TRPM2: variants seen among roughly 807,000 people sequenced by gnomAD.
TRPM2 encodes transient receptor potential cation channel subfamily M member 2.
Under a neutral mutation model 174.0 loss-of-function variants are expected in TRPM2, and 161 were observed. That is an observed-to-expected ratio of 0.93 (90% CI 0.81 to 1.05). TRPM2 has a LOEUF of 1.05. TRPM2 is among the 50% of genes least tolerant of loss of function. The probability of loss-of-function intolerance (pLI) is 0.00; values close to 1 mark genes in which losing one functional copy is unlikely to be tolerated. For missense variants in TRPM2, 2,057 were observed against 2,038.0 expected, an observed-to-expected ratio of 1.01 and a Z score of -0.18; for synonymous variants, 954 against 861.3, an observed-to-expected ratio of 1.11 and a Z score of -1.88.
At chr21:44,387,726 G>A (rs1389253126) in intron 9 of TRPM2, among the ~76,000 whole-genome samples, 1 of 151,900 alleles carries the variant, frequency 6.6e-6, no homozygotes, top group African/African-American at 2.4e-5. Flanking sequence ...ATTCAAAAAT[G>A]GGCAAAGGAC....
intron 19 of TRPM2, among the ~76,000 whole-genome samples, chr21:44,409,590 CTTGG>C (rs1289822589): frequency 1.4e-5 from 2 of 146,754 alleles, no homozygotes; most frequent in Non-Finnish European, 3.0e-5. Context: ...ACCGCACTGT[CTTGG>C]TTGGCGTAGC....
chr21:44,417,346 G>A (rs560486155), intron 20 of TRPM2, among the ~76,000 whole-genome samples: 2 of 105,462 alleles, frequency 1.9e-5, no homozygotes, highest in African/African-American at 7.3e-5. Context: ...CAGTGGGCAC[G>A]TGGGCGTGGC....
rs930725434 is a variant in TRPM2 at position 44,400,032 on chromosome 21, G to T, written c.2209-227G>T. Among the ~76,000 whole-genome samples the T allele has an allele frequency of 2.6e-5, 4 of 152,206 alleles. 1 individual carries two copies. The highest frequency in any genetic ancestry group is 9.7e-5 in the African/African-American group (4 of 41,446). On this transcript the variant is annotated intron_variant, in intron 14 of 31. Coordinates refer to ENST00000397928, the MANE Select transcript of TRPM2 (RefSeq NM_003307.4). ...AGTGCTCTACAGCCTGCAACTGCGG[G>T]GCCTTCGAAGCCAGCAGAGATGGGG...
chr21:44,406,881 C>A (rs1228366224), intron 19 of TRPM2, 116 bp downstream of exon 19: 2 of 1,344,882 alleles, frequency 1.5e-6, no homozygotes, highest in Non-Finnish European at 2.0e-6. Flanking sequence ...CCTGCGGTTC[C>A]CACCTGGCCG....
At chr21:44,379,254 C>G (rs2048803670) in intron 8 of TRPM2, 57 bp downstream of exon 8, 2 of 1,579,886 alleles carry the variant, frequency 1.3e-6, no homozygotes, top group Non-Finnish European at 1.7e-6. Context: ...GAGACACTGT[C>G]AGCCTGGTGG....
intron 24 of TRPM2, 27 bp downstream of exon 24, chr21:44,424,966 G>A (rs758618566): frequency 6.4e-7 from 1 of 1,574,222 alleles, no homozygotes; most frequent in Non-Finnish European, 8.6e-7. Context: ...GCCAGCAGCT[G>A]GTCTCCAGCC....
intron 2 of TRPM2, among the ~76,000 whole-genome samples, chr21:44,358,310 T>G (rs2048114588): frequency 7.2e-6 from 1 of 139,220 alleles, no homozygotes; most frequent in African/African-American, 2.9e-5. Flanking sequence ...TCCTCATCTG[T>G]GAGCGCAGAG....
intron 16 of TRPM2, among the ~76,000 whole-genome samples, chr21:44,403,033 G>A (rs185992985): frequency 2.1e-3 from 315 of 152,256 alleles, no homozygotes; most frequent in Non-Finnish European, 4.0e-3. Context: ...GACTTGGCGG[G>A]GCCTGGGAGC....
chr21:44,437,185 G>A lies in TRPM2; in HGVS notation c.4167+18G>A, dbSNP rs777082628. 10 of 1,547,136 alleles carry A rather than the reference G, an allele frequency of 6.5e-6. No homozygotes were observed. Among genetic ancestry groups the A allele is most frequent in the Middle Eastern group, 1.7e-4 (1 of 5,842 alleles). ...TGCCTGGGGTAAGGCTGCCGCGTGT[G>A]GGACCTCTGTCCACTGGGCTGTCTG... is the stretch of plus-strand genomic sequence containing the variant. On this transcript the variant is annotated intron_variant, in intron 29 of 31. Transcript: ENST00000397928.
rs1294818065 is a variant in TRPM2, at chr21:44,406,586, T to TCCTGCAGATG, written c.2791-7_2793dup. ...GAGAGTGTAGCCCACACACTCTCTGTCCTGCAGATGAAGGACGTCTTCTTC... is the reference window on the plus strand; with the variant it reads ...GAGAGTGTAGCCCACACACTCTCTGTCCTGCAGATGCCTGCAGATGAAGGACGTCTTCTTC... On this transcript the variant is annotated splice_region_variant and splice_polypyrimidine_tract_variant and intron_variant, in intron 18 of 31. Transcript: ENST00000397928. The TCCTGCAGATG allele has an allele frequency of 6.2e-7, 1 of 1,606,504 alleles. No individual in the cohort carries two copies. The highest frequency in any genetic ancestry group is 8.5e-7 in the Non-Finnish European group (1 of 1,178,900).
upstream of TRPM2, chr21:44,353,512 A>C: frequency 2.7e-6 from 2 of 748,720 alleles, no homozygotes; most frequent in Non-Finnish European, 3.9e-6. Context: ...GCTGATGAAG[A>C]GAACCGGATG....
At chr21:44,398,206 G>GTTT (rs34051764) in intron 13 of TRPM2, among the ~76,000 whole-genome samples, 23 of 144,768 alleles carry the variant, frequency 1.6e-4, no homozygotes, top group South Asian at 4.3e-4. Flanking sequence ...TTTGGAGACT[G>GTTT]TTTTTTTTTT....
rs2051427939 is a variant in TRPM2 at position 44,439,903 on chromosome 21, A to G, written c.4269+735A>G. Among the ~76,000 whole-genome samples, 1 of 151,990 alleles carries G rather than the reference A, an allele frequency of 6.6e-6. No homozygotes were observed. The highest frequency in any genetic ancestry group is 6.6e-5 in the Admixed American group (1 of 15,264). On this transcript the variant is annotated intron_variant, in intron 30 of 31. Transcript: ENST00000397928. The surrounding 1 kb of genome is among the most constrained non-coding windows in gnomAD (Gnocchi z 5.1). The stretch of plus-strand genomic sequence containing the variant: ...CACCCGTCTAATATTTTGTATTTTT[A>G]GTAGAGACAGGGTTTGGCCATGTTG...
chr21:44,375,763 G>A lies in TRPM2; in HGVS notation c.772-70G>A, dbSNP rs77916477. On this transcript the variant is annotated intron_variant, in intron 5 of 31. Transcript: ENST00000397928. ...GGACCTGGTCTCTGTGAGGGCCGGT[G>A]TTCAGCCTGCTCGCGTTAGAGAGGC... 1.1e-3 allele frequency: 1,625 copies of A among 1,519,458 alleles called. 29 individuals are homozygous for A. In the East Asian group the frequency reaches 0.032, roughly 30 times the overall value. The allele number at this position is 1,519,458 out of a possible 1,614,324, so 94.1% of individuals were successfully genotyped here. A position where few individuals can be genotyped will look rare whatever the true frequency, so the allele number is the denominator to read the frequency against.
chr21:44,391,464 G>A lies in TRPM2; in HGVS notation c.1633G>A (p.Glu545Lys), dbSNP rs1470805684. ...GCAGAAGGTGCTGGTGGAGGATCCC[G>A]AGCGCCCGGCTTGCGCGCCCGCGGC... ...KLQKVLVEDP[E>K]RPACAPAAPR... Residue 545 changes from glutamate to lysine, a missense_variant, in exon 11 of 32, where the codon GAG becomes AAG. Glu to Lys is a moderately conservative substitution (Grantham distance 56). Coordinates refer to ENST00000397928, the MANE Select transcript of TRPM2 (RefSeq NM_003307.4). The surrounding 1 kb of genome is among the most constrained non-coding windows in gnomAD (Gnocchi z 5.0). The A allele has an allele frequency of 6.2e-7, 1 of 1,612,552 alleles. No homozygotes were observed. The highest frequency in any genetic ancestry group is 8.5e-7 in the Non-Finnish European group (1 of 1,179,874).
intron 15 of TRPM2, 76 bp from the exon 16 acceptor site, chr21:44,401,604 CG>C: frequency 1.4e-6 from 2 of 1,479,836 alleles, no homozygotes; most frequent in Middle Eastern, 1.9e-4. Context: ...CGGGGGATCA[CG>C]GGGTGGCCAA....
rs144998699 is a variant in TRPM2 at position 44,418,430 on chromosome 21, G to A, written c.3336G>A (p.Lys1112=). Residue 1112 remains lysine (K), a synonymous_variant, in exon 22 of 32, where the codon AAG becomes AAA. Transcript: ENST00000397928. The part of the protein sequence containing the change: ...PAKRHKQLKN[K]LEKNEEAALL... ...GTCCGCCCACCCTGACAGAGAACAA[G>A]CTGGAGAAGAACGAGGAGGCGGCCC... The A allele has an allele frequency of 1.7e-5, 27 of 1,614,044 alleles. No individual in the cohort carries two copies. In the African/African-American group the frequency reaches 3.2e-4, roughly 19 times the overall value.
rs201935263 is a variant in TRPM2 at position 44,403,762 on chromosome 21, T to TAC, written c.2539-1376_2539-1375dup. Among the ~76,000 whole-genome samples the TAC allele has an allele frequency of 4.5e-3, 673 of 149,388 alleles. 8 individuals are homozygous for TAC. The highest frequency in any genetic ancestry group is 0.015 in the African/African-American group (588 of 40,258). Reference sequence around the variant, plus strand: ...GCATATAGAGATGCACACACATGCATACACATATACATGCATGCACACATA... The same window carrying TAC: ...GCATATAGAGATGCACACACATGCATACACACATATACATGCATGCACACATA... On this transcript the variant is annotated intron_variant, in intron 16 of 31. Transcript: ENST00000397928.
intron 27 of TRPM2, among the ~76,000 whole-genome samples, chr21:44,428,185 A>G (rs2050875670): frequency 6.6e-6 from 1 of 152,180 alleles, no homozygotes; most frequent in South Asian, 2.1e-4. Flanking sequence ...TTTCTATGAA[A>G]TTATAAAGAC....
Sources: allele counts gnomAD v4.1 joint callset (sites outside exome capture counted in the v4.1 genomes callset), GRCh38; gene constraint gnomAD v4.1.1; non-coding constraint Gnocchi (gnomAD v3.1); transcripts MANE v1.5; gene names NCBI Gene and HGNC (gene_info 2026-07-23, HGNC 2026-07-21).